BICRAL: variants seen among roughly 807,000 people sequenced by gnomAD.
BICRAL encodes the protein BICRA like chromatin remodeling complex associated protein, also known as BRD4-interacting chromatin-remodeling complex-associated protein-like.
A neutral mutation model predicts 91.8 loss-of-function variants in BICRAL; 8 were observed. That is an observed-to-expected ratio of 0.09 (90% confidence interval 0.05 to 0.16). The LOEUF is 0.16. BICRAL is among the 10% of genes least tolerant of loss of function. The pLI is 1.00. For missense variants in BICRAL, 1,038 were observed against 1,310.9 expected (o/e 0.79, Z 3.21); for synonymous variants, 445 against 491.1 (o/e 0.91, Z 1.24).
intron 6 of BICRAL, among the ~76,000 whole-genome samples, chr6:42,847,581 C>G (rs1765052274): frequency 6.7e-6 from 1 of 148,448 alleles, no homozygotes; most frequent in African/African-American, 2.5e-5. Flanking sequence ...AGTTCGAGAC[C>G]AGCCTGGGCA....
At chr6:42,841,328 A>G (rs149522445) in intron 6 of BICRAL, among the ~76,000 whole-genome samples, 2,140 of 150,852 alleles carry the variant, frequency 0.014, 47 homozygotes, top group African/African-American at 0.05. Flanking sequence ...AGCTGGGACT[A>G]CAGGCGTGCA....
At chr6:42,843,720 A>G (rs2113990620) in intron 6 of BICRAL, among the ~76,000 whole-genome samples, 1 of 152,100 alleles carries the variant, frequency 6.6e-6, no homozygotes, top group Non-Finnish European at 1.5e-5. Context: ...CAGCCAAATT[A>G]TATGATACAC....
At chr6:42,854,915 A>T (rs1765300344) in intron 8 of BICRAL, among the ~76,000 whole-genome samples, 1 of 152,152 alleles carries the variant, frequency 6.6e-6, no homozygotes, top group Non-Finnish European at 1.5e-5. Context: ...TTAAACCTAA[A>T]AGATTTCAAA....
intron 1 of BICRAL, among the ~76,000 whole-genome samples, chr6:42,766,934 C>T (rs12197778): frequency 3.3e-5 from 5 of 151,378 alleles, no homozygotes; most frequent in East Asian, 1.9e-4. Flanking sequence ...CAGCTACTCG[C>T]GAGGCTGAGG....
rs760478399 is a variant in BICRAL at position 42,865,464 on chromosome 6, C to A, written c.*18C>A. The A allele has an allele frequency of 6.6e-7, 1 of 1,522,026 alleles. No homozygotes were observed. Among genetic ancestry groups the A allele is most frequent in the Non-Finnish European group, 9.0e-7 (1 of 1,105,882 alleles). 94.3% of individuals were successfully genotyped at this position (1,522,026 alleles called of 1,614,324 possible). On this transcript the variant is annotated 3_prime_UTR_variant, in exon 13 of 13. Coordinates refer to ENST00000314073, the MANE Select transcript of BICRAL (RefSeq NM_001393499.1). Reference sequence around the variant, plus strand: ...AGTGTTAATAGCAGCAGTCCTCCCCCTACCCCGCCCCGAGACCCCACCCCG... The same window carrying A: ...AGTGTTAATAGCAGCAGTCCTCCCCATACCCCGCCCCGAGACCCCACCCCG...
intron 1 of BICRAL, among the ~76,000 whole-genome samples, chr6:42,770,412 ATTTTTTTT>A (rs531644287): frequency 7.9e-6 from 1 of 126,226 alleles, no homozygotes; most frequent in Admixed American, 7.9e-5. Context: ...TATTATTATT[ATTTTTTTT>A]TTTTTTTTTT....
intron 1 of BICRAL, among the ~76,000 whole-genome samples, chr6:42,782,981 G>T (rs1307773694): frequency 1.3e-5 from 2 of 151,500 alleles, no homozygotes; most frequent in East Asian, 3.9e-4. Flanking sequence ...TGGGGAGGGG[G>T]AGGGGAGAGG....
At chr6:42,809,617 G>GCC (rs1763802334) in intron 1 of BICRAL, among the ~76,000 whole-genome samples, 1 of 151,022 alleles carries the variant, frequency 6.6e-6, no homozygotes, top group East Asian at 2.0e-4. Flanking sequence ...TGGGACCACA[G>GCC]GCCCAAGCCA....
chr6:42,759,191 A>G (rs530603501), intron 1 of BICRAL, among the ~76,000 whole-genome samples: 1 of 152,214 alleles, frequency 6.6e-6, no homozygotes, highest in East Asian at 1.9e-4. Flanking sequence ...AGTGGAGATC[A>G]GAGATGAAGT....
At chr6:42,772,010 A>G (rs1043431402) in intron 1 of BICRAL, among the ~76,000 whole-genome samples, 4 of 152,146 alleles carry the variant, frequency 2.6e-5, no homozygotes, top group Admixed American at 2.0e-4. Flanking sequence ...CAGACTGTAA[A>G]CAAATCATTA....
intron 1 of BICRAL, among the ~76,000 whole-genome samples, chr6:42,787,791 G>C (rs146366608): frequency 6.6e-4 from 101 of 152,256 alleles, no homozygotes; most frequent in African/African-American, 2.3e-3. Context: ...AGGAAGTGAG[G>C]TGAATATCGA....
At chr6:42,787,361 G>A (rs1201774123) in intron 1 of BICRAL, among the ~76,000 whole-genome samples, 1 of 152,146 alleles carries the variant, frequency 6.6e-6, no homozygotes, top group East Asian at 1.9e-4. Flanking sequence ...AGTAGGCACT[G>A]AATATTTAAG....
intron 1 of BICRAL, among the ~76,000 whole-genome samples, chr6:42,791,757 C>G (rs578069517): frequency 6.6e-6 from 1 of 152,272 alleles, no homozygotes; most frequent in Admixed American, 6.5e-5. Context: ...AACCACTGCA[C>G]CTGGCCTCTG....
intron 6 of BICRAL, among the ~76,000 whole-genome samples, chr6:42,845,215 T>G (rs1405184401): frequency 3.4e-5 from 2 of 59,598 alleles, no homozygotes; most frequent in East Asian, 4.6e-4. Context: ...TTTTTTTTTT[T>G]TTTTTTTTTT....
At chr6:42,766,766 T>C (rs1451155692) in intron 1 of BICRAL, among the ~76,000 whole-genome samples, 1 of 151,856 alleles carries the variant, frequency 6.6e-6, no homozygotes, top group African/African-American at 2.4e-5. Flanking sequence ...TTGTGCCGGG[T>C]GCCGTGGCTC....
intron 6 of BICRAL, among the ~76,000 whole-genome samples, chr6:42,844,906 A>G (rs1015760051): frequency 6.6e-6 from 1 of 152,174 alleles, no homozygotes; most frequent in African/African-American, 2.4e-5. Flanking sequence ...AGGGACACCT[A>G]TTGTAGCAAG....
upstream of BICRAL, among the ~76,000 whole-genome samples, chr6:42,777,806 T>G (rs1353159937): frequency 1.3e-5 from 2 of 152,230 alleles, no homozygotes; most frequent in African/African-American, 4.8e-5. Flanking sequence ...CCAGTTGCCT[T>G]TCTTTCTAAG....
intron 1 of BICRAL, among the ~76,000 whole-genome samples, chr6:42,803,001 A>T (rs993249208): frequency 2.0e-5 from 3 of 152,160 alleles, no homozygotes; most frequent in Non-Finnish European, 4.4e-5. Flanking sequence ...CTGGTTTTTA[A>T]TATATTGTAG....
At chr6:42,863,366 A>G (rs1220007286) in intron 12 of BICRAL, among the ~76,000 whole-genome samples, 1 of 150,332 alleles carries the variant, frequency 6.7e-6, no homozygotes, top group African/African-American at 2.5e-5. Context: ...TTCTTTTGCC[A>G]TCCTCTGCCT....
Sources: gnomAD v4.1 joint callset for allele counts (sites outside exome capture counted in the v4.1 genomes callset) on GRCh38, gnomAD v4.1.1 for gene constraint, MANE v1.5 for transcripts, NCBI Gene and HGNC (gene_info 2026-07-23, HGNC 2026-07-21) for gene names.